The following DEPDC1B variants were observed in gnomAD, a reference collection of about 807,000 sequenced individuals.
DEPDC1B encodes DEP domain-containing protein 1B.
A neutral mutation model predicts 66.5 loss-of-function variants in DEPDC1B; 51 were observed. That is an observed-to-expected ratio of 0.77 (90% CI 0.61 to 0.97). The LOEUF (loss-of-function observed/expected upper bound fraction) is 0.97. Ranked by LOEUF, DEPDC1B falls within the 50% of genes least tolerant of loss-of-function variation. The pLI is 0.00. For synonymous variants in DEPDC1B, 226 were observed against 223.6 expected, an observed-to-expected ratio of 1.01 and a Z score of -0.10; for missense variants, 552 against 637.1, an observed-to-expected ratio of 0.87 and a Z score of 1.44.
intron 2 of DEPDC1B, among the ~76,000 whole-genome samples, chr5:60,665,364 G>A (rs1261854052): frequency 6.6e-6 from 1 of 152,180 alleles, no homozygotes; most frequent in Non-Finnish European, 1.5e-5. Flanking sequence ...TGTAAAGTGT[G>A]CCAAAGAAAT....
chr5:60,618,323 C>T (rs553531661), intron 7 of DEPDC1B, among the ~76,000 whole-genome samples: 3 of 151,990 alleles, frequency 2.0e-5, no homozygotes, highest in Admixed American at 2.0e-4. Flanking sequence ...CACAAAAAAC[C>T]CTTCAAAAAA....
chr5:60,658,957 A>T (rs1014941497), intron 2 of DEPDC1B, among the ~76,000 whole-genome samples: 1 of 152,040 alleles, frequency 6.6e-6, no homozygotes, highest in Non-Finnish European at 1.5e-5. Flanking sequence ...TGTGCTTCTG[A>T]TCCAGCGAGA....
chr5:60,672,967 A>T (rs1315463527), intron 2 of DEPDC1B, among the ~76,000 whole-genome samples: 1 of 152,188 alleles, frequency 6.6e-6, no homozygotes, highest in Non-Finnish European at 1.5e-5. Context: ...CTCACTGACT[A>T]ACCTTTGAAC....
chr5:60,607,144 A>C (rs1752326976), intron 7 of DEPDC1B, among the ~76,000 whole-genome samples: 3 of 152,218 alleles, frequency 2.0e-5, no homozygotes, highest in African/African-American at 7.2e-5. Flanking sequence ...GGGGAACTAT[A>C]AGCCACTCAG....
chr5:60,647,347 G>A (rs1753342268), intron 3 of DEPDC1B, 51 bp downstream of exon 3: 1 of 1,539,978 alleles, frequency 6.5e-7, no homozygotes, highest in African/African-American at 1.4e-5. Context: ...AGGAGTTCAT[G>A]GATGATTCTC....
intron 7 of DEPDC1B, among the ~76,000 whole-genome samples, chr5:60,628,857 A>C (rs1752859057): frequency 6.6e-6 from 1 of 152,152 alleles, no homozygotes; most frequent in East Asian, 1.9e-4. Context: ...ATATGTACTT[A>C]TTTGCATTAT....
chr5:60,690,092 T>G (rs1015553165), intron 1 of DEPDC1B, among the ~76,000 whole-genome samples: 1 of 152,208 alleles, frequency 6.6e-6, no homozygotes, highest in Non-Finnish European at 1.5e-5. Flanking sequence ...AAATTTTATT[T>G]AAACATGTTG....
At chr5:60,667,911 A>AAAAAATGGATATTTTATATATG (rs1753907306) in intron 2 of DEPDC1B, among the ~76,000 whole-genome samples, 1 of 86,290 alleles carries the variant, frequency 1.2e-5, no homozygotes, top group Admixed American at 1.5e-4. Context: ...TTTTATATAT[A>AAAAAATGGATATTTTATATATG]TAAAAAATGG....
chr5:60,691,680 A>C (rs1265164884), intron 1 of DEPDC1B, among the ~76,000 whole-genome samples: 1 of 152,212 alleles, frequency 6.6e-6, no homozygotes. Flanking sequence ...TATATCATAA[A>C]AAAAAAGATC....
chr5:60,626,949 T>TG (rs1752820095), intron 7 of DEPDC1B, among the ~76,000 whole-genome samples: 1 of 152,064 alleles, frequency 6.6e-6, no homozygotes, highest in African/African-American at 2.4e-5. Context: ...AAGAGATACA[T>TG]GGGAAAAGGG....
chr5:60,605,083 TA>T (rs1752281628), intron 8 of DEPDC1B, among the ~76,000 whole-genome samples: 1 of 152,298 alleles, frequency 6.6e-6, no homozygotes, highest in African/African-American at 2.4e-5. Context: ...AAGTAAATTC[TA>T]AAATAAACTC....
At chr5:60,612,704 A>AG (rs761376846) in intron 7 of DEPDC1B, among the ~76,000 whole-genome samples, 5 of 138,156 alleles carry the variant, frequency 3.6e-5, no homozygotes, top group African/African-American at 5.7e-5. Context: ...CAAATGGTTC[A>AG]GAAAAAAAAA....
intron 7 of DEPDC1B, among the ~76,000 whole-genome samples, chr5:60,616,299 T>A (rs1463169913): frequency 6.6e-6 from 1 of 152,078 alleles, no homozygotes; most frequent in Admixed American, 6.6e-5. Context: ...GGAGAATGAC[T>A]TTGACGAGTT....
intron 7 of DEPDC1B, among the ~76,000 whole-genome samples, chr5:60,623,573 C>T (rs910174388): frequency 6.6e-6 from 1 of 152,032 alleles, no homozygotes; most frequent in Non-Finnish European, 1.5e-5. Flanking sequence ...TGGATTTTTA[C>T]CAAGCTAAAT....
At chr5:60,657,715 T>C (rs1042680396) in intron 2 of DEPDC1B, among the ~76,000 whole-genome samples, 1 of 152,210 alleles carries the variant, frequency 6.6e-6, no homozygotes, top group African/African-American at 2.4e-5. Flanking sequence ...GCCTCACAAC[T>C]CTTAAGATTC....
At position 60,603,257 on chromosome 5, in the gene DEPDC1B, G is replaced by T. The variant is rs1752237699; in HGVS notation, c.1242+134C>A. On this transcript the variant is annotated intron_variant, in intron 9 of 10. Transcript: ENST00000265036. ...AAACACATGCAGGGGATTACTATGT[G>T]CCAAGACCTGTTGTAAGTACTTTAT... 4.0e-6 allele frequency: 3 copies of T among 751,282 alleles called. No individual in the cohort carries two copies. The East Asian group carries it at 9.1e-5, about 23-fold the overall frequency. 46.5% of individuals were successfully genotyped at this position (751,282 alleles called of 1,614,324 possible).
intron 1 of DEPDC1B, among the ~76,000 whole-genome samples, chr5:60,696,354 A>G (rs1357846636): frequency 6.6e-6 from 1 of 152,176 alleles, no homozygotes; most frequent in Non-Finnish European, 1.5e-5. Context: ...AGACTTTTGA[A>G]TTTACTCATT....
At chr5:60,664,400 C>G (rs1362208812) in intron 2 of DEPDC1B, among the ~76,000 whole-genome samples, 1 of 152,222 alleles carries the variant, frequency 6.6e-6, no homozygotes, top group Admixed American at 6.5e-5. Flanking sequence ...GAACAGCATA[C>G]TCACTGCTAA....
chr5:60,689,411 T>C (rs1754494517), intron 1 of DEPDC1B, among the ~76,000 whole-genome samples: 1 of 152,236 alleles, frequency 6.6e-6, no homozygotes, highest in East Asian at 1.9e-4. Flanking sequence ...CCATTGTGTC[T>C]TTGTATATAT....
Sources: allele counts gnomAD v4.1 joint callset (sites outside exome capture counted in the v4.1 genomes callset), GRCh38; gene constraint gnomAD v4.1.1; transcripts MANE v1.5; gene names NCBI Gene and HGNC (gene_info 2026-07-23, HGNC 2026-07-21).